Variants in PGPEP1L observed in about 807,000 individuals in gnomAD.
PGPEP1L encodes pyroglutamyl-peptidase I like, also known as pyroglutamyl-peptidase 1-like protein.
In PGPEP1L, 7 loss-of-function variants were observed where a neutral mutation model predicts 6.0. The ratio of observed to expected loss-of-function variants is 1.17; its 90% CI spans 0.66 to 2.19. PGPEP1L has a LOEUF of 2.19. Among genes scored for constraint, PGPEP1L ranks in the 30% most tolerant of loss-of-function variants. PGPEP1L has a pLI of 0.00. For missense variants in PGPEP1L, 209 were observed against 192.5 expected (o/e 1.09, Z -0.51); for synonymous variants, 103 against 83.9 (o/e 1.23, Z -1.24).
intron 2 of PGPEP1L, among the ~76,000 whole-genome samples, chr15:98,993,290 A>G (rs1412873919): frequency 6.6e-6 from 1 of 152,234 alleles, no homozygotes; most frequent in Non-Finnish European, 1.5e-5. Flanking sequence ...TGGGTGAAGG[A>G]TATGAACAGA....
intron 2 of PGPEP1L, among the ~76,000 whole-genome samples, chr15:98,998,418 C>T (rs1238736686): frequency 4.6e-5 from 7 of 152,130 alleles, no homozygotes; most frequent in African/African-American, 1.4e-4. Flanking sequence ...TGACCCACTG[C>T]CAAGCTGCGA....
intron 2 of PGPEP1L, among the ~76,000 whole-genome samples, chr15:98,988,902 G>A (rs2017783983): frequency 6.6e-6 from 1 of 152,170 alleles, no homozygotes; most frequent in African/African-American, 2.4e-5. Flanking sequence ...CTGTTAGAAG[G>A]AAAACTGACA....
chr15:98,993,399 A>AT (rs1555472238), intron 2 of PGPEP1L, among the ~76,000 whole-genome samples: 1 of 152,244 alleles, frequency 6.6e-6, no homozygotes, highest in African/African-American at 2.4e-5. Context: ...ACAATGAGAT[A>AT]TCATCTCATG....
intron 2 of PGPEP1L, among the ~76,000 whole-genome samples, chr15:98,987,263 G>GAC (rs2151761473): frequency 6.6e-6 from 1 of 151,648 alleles, no homozygotes; most frequent in Non-Finnish European, 1.5e-5. Context: ...TCTGTTTGGG[G>GAC]ACACCCCTGA....
intron 2 of PGPEP1L, among the ~76,000 whole-genome samples, chr15:98,987,797 T>C (rs541324962): frequency 1.1e-4 from 16 of 152,162 alleles, no homozygotes; most frequent in Middle Eastern, 3.4e-3. Context: ...GTTCATCTCA[T>C]TGGGACTGGC....
intron 2 of PGPEP1L, among the ~76,000 whole-genome samples, chr15:98,977,384 T>C (rs1448054787): frequency 2.0e-5 from 3 of 152,238 alleles, no homozygotes; most frequent in Admixed American, 2.0e-4. Flanking sequence ...CTCTGATATG[T>C]TTTAATTTTC....
chr15:98,996,466 C>T lies in PGPEP1L; in HGVS notation c.-142+8963G>A, dbSNP rs111793926. ...CACTCACTCACCTCAGCCTGAAGCT[C>T]TTGGTATGTGTATATGGGTGTATGT... On this transcript the variant is annotated intron_variant, in intron 2 of 4. Transcript: ENST00000535714. Among the ~76,000 whole-genome samples the T allele has an allele frequency of 6.9e-3, 1,057 of 152,152 alleles. 14 individuals are homozygous for T. The highest frequency in any genetic ancestry group is 0.024 in the African/African-American group (994 of 41,496).
chr15:99,004,908 G>C (rs1555473434), intron 2 of PGPEP1L, among the ~76,000 whole-genome samples: 1 of 151,826 alleles, frequency 6.6e-6, no homozygotes, highest in East Asian at 1.9e-4. Flanking sequence ...GGCTCTCGGG[G>C]GGTGCTTCAC....
chr15:98,988,853 T>C (rs2017783378), intron 2 of PGPEP1L, among the ~76,000 whole-genome samples: 1 of 152,114 alleles, frequency 6.6e-6, no homozygotes, highest in African/African-American at 2.4e-5. Context: ...ACAGTGAACC[T>C]CCGGCAAACT....
chr15:98,983,983 T>C (rs1476211956), intron 2 of PGPEP1L, among the ~76,000 whole-genome samples: 2 of 151,796 alleles, frequency 1.3e-5, no homozygotes, highest in Non-Finnish European at 2.9e-5. Context: ...TTCCCATTTA[T>C]AATGCCTGGC....
chr15:98,980,296 C>A lies in PGPEP1L; in HGVS notation c.-141-9138G>T, dbSNP rs116127892. 3.1e-3 allele frequency among the ~76,000 whole-genome samples: 475 copies of A among 152,086 alleles called. 3 individuals carry two copies. Among genetic ancestry groups the A allele is most frequent in the African/African-American group, 0.011 (436 of 41,484 alleles). Reference sequence around the variant, plus strand: ...TGCCATTTCCCTTGGAGCAGAGAAACCTGAACGATCAGGGAGGCATTGTCC... The same window carrying A: ...TGCCATTTCCCTTGGAGCAGAGAAAACTGAACGATCAGGGAGGCATTGTCC... On this transcript the variant is annotated intron_variant, in intron 2 of 4. Coordinates refer to ENST00000535714, the MANE Select transcript of PGPEP1L (RefSeq NM_001167902.2).
intron 2 of PGPEP1L, among the ~76,000 whole-genome samples, chr15:98,993,137 A>G (rs1454868584): frequency 2.6e-5 from 4 of 152,218 alleles, no homozygotes; most frequent in African/African-American, 9.6e-5. Flanking sequence ...GATTCAGCAT[A>G]GCAAAAGAAA....
At chr15:98,995,982 AATC>A (rs1317758785) in intron 2 of PGPEP1L, among the ~76,000 whole-genome samples, 1 of 152,076 alleles carries the variant, frequency 6.6e-6, no homozygotes, top group East Asian at 1.9e-4. Context: ...CTGCCTTTTA[AATC>A]ATCTGTTAAA....
At chr15:98,995,471 G>GGTGGTGAC (rs1555472425) in intron 2 of PGPEP1L, among the ~76,000 whole-genome samples, 1 of 152,196 alleles carries the variant, frequency 6.6e-6, no homozygotes, top group Non-Finnish European at 1.5e-5. Flanking sequence ...GCCAAGGTGG[G>GGTGGTGAC]CAGATCACCT....
chr15:98,976,059 T>C (rs746045278), intron 2 of PGPEP1L, among the ~76,000 whole-genome samples: 37 of 151,872 alleles, frequency 2.4e-4, no homozygotes, highest in African/African-American at 8.2e-4. Flanking sequence ...TTACCAGACG[T>C]TGGGGGAAGG....
At chr15:98,989,087 T>A (rs1311027704) in intron 2 of PGPEP1L, among the ~76,000 whole-genome samples, 1 of 152,098 alleles carries the variant, frequency 6.6e-6, no homozygotes, top group Admixed American at 6.6e-5. Context: ...CTCAAAAGGA[T>A]CACAGCTCCT....
Position 98,970,812 on chromosome 15 carries a change from TC to T in PGPEP1L, c.-19+223del, listed in dbSNP as rs565411238. ...ATAATACTTCCATTTCTTTTCCTCC[TC>T]CTTTCTCTCCAGATTTTCTATTAAG... is the stretch of plus-strand genomic sequence containing the variant. On this transcript the variant is annotated intron_variant, in intron 3 of 4. Coordinates refer to ENST00000535714, the MANE Select transcript of PGPEP1L (RefSeq NM_001167902.2). Among the ~76,000 whole-genome samples the T allele has an allele frequency of 1.1e-4, 17 of 152,298 alleles. No individual in the cohort carries two copies. In the South Asian group the frequency reaches 3.3e-3, roughly 30 times the overall value.
intron 2 of PGPEP1L, among the ~76,000 whole-genome samples, chr15:99,004,968 T>G (rs2018028677): frequency 6.6e-6 from 1 of 152,006 alleles, no homozygotes; most frequent in South Asian, 2.1e-4. Context: ...GACTGTGTGT[T>G]CCTTTGCGGG....
chr15:98,982,839 T>C (rs2017687320), intron 2 of PGPEP1L, among the ~76,000 whole-genome samples: 1 of 150,874 alleles, frequency 6.6e-6, no homozygotes, highest in Non-Finnish European at 1.5e-5. Flanking sequence ...GCCTCCTGAG[T>C]AGCTGGGATT....
Sources: gnomAD v4.1 joint callset for allele counts (sites outside exome capture counted in the v4.1 genomes callset) on GRCh38, gnomAD v4.1.1 for gene constraint, MANE v1.5 for transcripts, NCBI Gene and HGNC (gene_info 2026-07-23, HGNC 2026-07-21) for gene names.